The following SYT9 variants were observed in gnomAD, a reference collection of about 807,000 sequenced individuals.
SYT9 encodes the protein synaptotagmin 9, also known as synaptotagmin-9.
Under a neutral mutation model 48.4 loss-of-function variants are expected in SYT9, and 22 were observed. That is an observed-to-expected ratio of 0.45 (90% CI 0.32 to 0.65). The LOEUF (loss-of-function observed/expected upper bound fraction) is 0.65. Ranked by LOEUF, SYT9 falls within the 30% of genes least tolerant of loss-of-function variation. The pLI is 0.03. For synonymous variants in SYT9, 265 were observed against 245.0 expected, an observed-to-expected ratio of 1.08 and a Z score of -0.76; for missense variants, 577 against 622.0, an observed-to-expected ratio of 0.93 and a Z score of 0.77.
In SYT9 at chr11:7,277,351, T is replaced by G. The variant is rs181899927; in HGVS notation, c.145+25020T>G. Among the ~76,000 whole-genome samples, 37 of 152,304 alleles carry G rather than the reference T, an allele frequency of 2.4e-4. 1 individual carries two copies. Among genetic ancestry groups the G allele is most frequent in the Middle Eastern group, 6.8e-3 (2 of 294 alleles). ...AAAAATATTAGTGTAATCTGCAAAA[T>G]GTGAATTCATTATGTGCTGTGTGTT... On this transcript the variant is annotated intron_variant, in intron 1 of 6. Coordinates refer to ENST00000318881, the MANE Select transcript of SYT9 (RefSeq NM_175733.4).
intron 2 of SYT9, among the ~76,000 whole-genome samples, chr11:7,303,899 C>T (rs565273475): frequency 2.7e-4 from 41 of 152,266 alleles, no homozygotes; most frequent in African/African-American, 7.7e-4. Context: ...CTTCAGACTC[C>T]GCCGTGTGGC....
intron 3 of SYT9, among the ~76,000 whole-genome samples, chr11:7,321,726 C>T (rs1045002690): frequency 6.6e-6 from 1 of 152,052 alleles, no homozygotes; most frequent in African/African-American, 2.4e-5. Flanking sequence ...GAATATATAC[C>T]CAGTTATACC....
intron 3 of SYT9, among the ~76,000 whole-genome samples, chr11:7,350,153 G>A (rs1391097325): frequency 1.3e-5 from 2 of 152,136 alleles, no homozygotes; most frequent in Non-Finnish European, 1.5e-5. Flanking sequence ...ATCAATAAAG[G>A]GTACTAAAAC....
chr11:7,320,431 A>G (rs1303175350), intron 3 of SYT9, among the ~76,000 whole-genome samples: 1 of 152,236 alleles, frequency 6.6e-6, no homozygotes, highest in East Asian at 1.9e-4. Context: ...TATTTCTATC[A>G]TTACTCATGC....
At chr11:7,309,584 G>T (rs1475936660) in intron 2 of SYT9, among the ~76,000 whole-genome samples, 1 of 152,198 alleles carries the variant, frequency 6.6e-6, no homozygotes, top group African/African-American at 2.4e-5. Context: ...CTCACCTGGG[G>T]TGGGGGAGGC....
chr11:7,459,792 A>G (rs937013074), intron 6 of SYT9, among the ~76,000 whole-genome samples: 6 of 152,158 alleles, frequency 3.9e-5, no homozygotes, highest in Non-Finnish European at 7.4e-5. Context: ...CCATGTGACA[A>G]TGGAGGCAGG....
intron 1 of SYT9, among the ~76,000 whole-genome samples, chr11:7,280,739 G>A (rs1848478288): frequency 6.7e-6 from 1 of 149,246 alleles, no homozygotes; most frequent in Non-Finnish European, 1.5e-5. Context: ...AGGTGGAGAA[G>A]AAGGGATACT....
upstream of SYT9, among the ~76,000 whole-genome samples, chr11:7,249,128 T>C (rs1439486541): frequency 6.6e-6 from 1 of 152,198 alleles, no homozygotes; most frequent in Non-Finnish European, 1.5e-5. Context: ...AATTAAGTCC[T>C]ATCTCCAAAT....
chr11:7,392,649 T>A (rs1846652781), intron 3 of SYT9, among the ~76,000 whole-genome samples: 1 of 152,200 alleles, frequency 6.6e-6, no homozygotes, highest in Admixed American at 6.6e-5. Context: ...AAAATGACAT[T>A]GCTAGTTTGA....
At chr11:7,453,314 C>A (rs56236212) in intron 6 of SYT9, among the ~76,000 whole-genome samples, 16,131 of 152,106 alleles carry the variant, frequency 0.11, 967 homozygotes, top group Middle Eastern at 0.17. Flanking sequence ...GAAGATACTC[C>A]AAAGTGTTTC....
chr11:7,423,387 C>A (rs1847391245), intron 6 of SYT9, among the ~76,000 whole-genome samples: 1 of 152,170 alleles, frequency 6.6e-6, no homozygotes, highest in Non-Finnish European at 1.5e-5. Flanking sequence ...AGGCAACAGG[C>A]AGACTGGCCA....
chr11:7,274,678 T>C (rs548290934), intron 1 of SYT9, among the ~76,000 whole-genome samples: 1 of 152,016 alleles, frequency 6.6e-6, no homozygotes, highest in African/African-American at 2.4e-5. Flanking sequence ...AGCTGGGCCC[T>C]TCTCTTCATC....
At position 7,432,582 on chromosome 11, in the gene SYT9, AATATATATACAT is replaced by A. The variant is rs1847619755; in HGVS notation, c.1467+11957_1467+11968del. ...AAAAAAAAAAAAAAAAAAAAAAAAA[AATATATATACAT>A]ATATATATATATATATATATATATA... On this transcript the variant is annotated intron_variant, in intron 6 of 6. Coordinates refer to ENST00000318881, the MANE Select transcript of SYT9 (RefSeq NM_175733.4). Among the ~76,000 whole-genome samples the A allele has an allele frequency of 6.9e-3, 24 of 3,492 alleles. 1 individual carries two copies. The highest frequency in any genetic ancestry group is 0.029 in the South Asian group (2 of 68). 2.3% of individuals were successfully genotyped at this position (3,492 alleles called of 152,430 possible).
rs190628600 is a variant in SYT9, at chr11:7,452,393, C to T, written c.1468-14399C>T. Among the ~76,000 whole-genome samples the T allele has an allele frequency of 3.4e-3, 520 of 152,272 alleles. 4 individuals carry two copies. Among genetic ancestry groups the T allele is most frequent in the African/African-American group, 0.012 (497 of 41,544 alleles). On this transcript the variant is annotated intron_variant, in intron 6 of 6. Coordinates refer to ENST00000318881, the MANE Select transcript of SYT9 (RefSeq NM_175733.4). The stretch of plus-strand genomic sequence containing the variant: ...CTGACTCTGTCCACTGCTTCTTTCC[C>T]ACAGAGGTGTAGGTACGTAAGTTGG...
intron 3 of SYT9, among the ~76,000 whole-genome samples, chr11:7,408,407 C>T (rs767204935): frequency 1.3e-5 from 2 of 152,192 alleles, no homozygotes; most frequent in Non-Finnish European, 2.9e-5. Flanking sequence ...GGATTACAGG[C>T]GTGAGCCACC....
chr11:7,385,274 A>G (rs1185891335), intron 3 of SYT9, among the ~76,000 whole-genome samples: 1 of 151,870 alleles, frequency 6.6e-6, no homozygotes, highest in Admixed American at 6.6e-5. Context: ...TGGTACAAAT[A>G]ATTGCTTTCT....
intron 6 of SYT9, among the ~76,000 whole-genome samples, chr11:7,426,761 G>T (rs924270977): frequency 6.6e-6 from 1 of 152,036 alleles, no homozygotes; most frequent in African/African-American, 2.4e-5. Flanking sequence ...CTGTCTGGTG[G>T]AAACAATATA....
chr11:7,340,964 C>T (rs77378112), intron 3 of SYT9, among the ~76,000 whole-genome samples: 1,865 of 152,298 alleles, frequency 0.012, 96 homozygotes, highest in Admixed American at 0.092. Context: ...CTTGGATTTT[C>T]TAGCACCTGA....
chr11:7,466,862 T>G lies in SYT9; in HGVS notation c.*62T>G. On this transcript the variant is annotated 3_prime_UTR_variant, in exon 7 of 7. Coordinates refer to ENST00000318881, the MANE Select transcript of SYT9 (RefSeq NM_175733.4). ...TAGGACAACCATCTCACAAAGATCT[T>G]AAGTAACTTTTTCCATCCAGCAACA... 1 of 1,594,038 alleles carries G rather than the reference T, an allele frequency of 6.3e-7. No individual in the cohort carries two copies. The highest frequency in any genetic ancestry group is 8.6e-7 in the Non-Finnish European group (1 of 1,168,236).
Sources: allele counts gnomAD v4.1 joint callset (sites outside exome capture counted in the v4.1 genomes callset), GRCh38; gene constraint gnomAD v4.1.1; transcripts MANE v1.5; gene names NCBI Gene and HGNC (gene_info 2026-07-23, HGNC 2026-07-21).